Variants in SPON1 observed in about 807,000 individuals in gnomAD.
SPON1 encodes the protein spondin-1.
Under a neutral mutation model 111.7 loss-of-function variants are expected in SPON1, and 52 were observed. The observed-to-expected ratio is 0.47, with a 90% CI of 0.37 to 0.59. The LOEUF (loss-of-function observed/expected upper bound fraction) is 0.59, where lower values mean the gene tolerates loss of function less well. SPON1 is among the 20% of genes least tolerant of loss of function. The pLI is 0.00. For missense variants in SPON1, 957 were observed against 1,068.5 expected, an observed-to-expected ratio of 0.90 and a Z score of 1.46; for synonymous variants, 410 against 395.8, an observed-to-expected ratio of 1.04 and a Z score of -0.43.
chr11:14,125,777 G>A (rs540270124), intron 5 of SPON1, among the ~76,000 whole-genome samples: 2 of 152,326 alleles, frequency 1.3e-5, no homozygotes, highest in South Asian at 4.1e-4. Context: ...GGGCAGGGCG[G>A]TGGTGAAGAG....
At position 14,257,907 on chromosome 11, in the gene SPON1, A is replaced by G. The variant is rs1554941415; in HGVS notation, c.1492+9A>G. 2.0e-6 allele frequency: 3 copies of G among 1,532,268 alleles called. No homozygotes were observed. The South Asian group carries it at 3.6e-5, about 19-fold the overall frequency. The allele number at this position is 1,532,268 out of a possible 1,614,324, so 94.9% of individuals were successfully genotyped here. On this transcript the variant is annotated intron_variant, in intron 11 of 15. Coordinates refer to ENST00000576479, the MANE Select transcript of SPON1 (RefSeq NM_006108.4). ...TGGCTGCAGTGACGAAGGTGAGGAG[A>G]CAACCCAGACCAGCCAGGGGCTGGC... is the stretch of plus-strand genomic sequence containing the variant.
chr11:14,163,634 T>C (rs1554931611), intron 6 of SPON1, among the ~76,000 whole-genome samples: 4 of 152,308 alleles, frequency 2.6e-5, no homozygotes. Context: ...CCTTGTGATT[T>C]CAGAATTTTA....
intron 2 of SPON1, among the ~76,000 whole-genome samples, chr11:14,016,869 G>T (rs10832158): frequency 0.3 from 45,129 of 151,904 alleles, 7,869 homozygotes; most frequent in South Asian, 0.5. Flanking sequence ...TAAGTGCTGG[G>T]CACTGCATGT....
intron 2 of SPON1, among the ~76,000 whole-genome samples, chr11:14,030,740 C>A (rs1848553117): frequency 6.6e-6 from 1 of 152,202 alleles, no homozygotes; most frequent in African/African-American, 2.4e-5. Flanking sequence ...AAAGGGAACA[C>A]TTGTACACTG....
intron 2 of SPON1, among the ~76,000 whole-genome samples, chr11:14,035,441 GA>G (rs1349411486): frequency 6.6e-6 from 1 of 152,018 alleles, no homozygotes; most frequent in African/African-American, 2.4e-5. Flanking sequence ...AGAAAGTGCT[GA>G]AAAATGCTAT....
intron 2 of SPON1, among the ~76,000 whole-genome samples, chr11:14,007,568 C>G (rs1223592518): frequency 6.6e-6 from 1 of 152,192 alleles, no homozygotes; most frequent in Non-Finnish European, 1.5e-5. Flanking sequence ...TCTGCCTTCC[C>G]CAGTCCACTG....
chr11:14,235,416 C>T (rs776951528), intron 6 of SPON1, among the ~76,000 whole-genome samples: 5 of 152,104 alleles, frequency 3.3e-5, no homozygotes, highest in South Asian at 2.1e-4. Context: ...TGGTGGCTCA[C>T]GCCTGTAATC....
intron 6 of SPON1, among the ~76,000 whole-genome samples, chr11:14,196,702 T>C (rs1554935117): frequency 1.3e-5 from 2 of 152,212 alleles, no homozygotes; most frequent in East Asian, 3.9e-4. Flanking sequence ...AATGTGTTTT[T>C]TTAGTAAACA....
At chr11:14,127,855 G>A (rs1847478549) in intron 5 of SPON1, among the ~76,000 whole-genome samples, 1 of 152,202 alleles carries the variant, frequency 6.6e-6, no homozygotes. Flanking sequence ...AGTCATGGCA[G>A]AAGGTGAAAG....
chr11:14,245,821 C>T (rs782763865), intron 7 of SPON1, among the ~76,000 whole-genome samples: 1 of 152,206 alleles, frequency 6.6e-6, no homozygotes, highest in African/African-American at 2.4e-5. Flanking sequence ...AATGCCTTGC[C>T]CTCCAAGGAG....
chr11:14,020,307 G>A (rs1405886842), intron 2 of SPON1, among the ~76,000 whole-genome samples: 1 of 152,164 alleles, frequency 6.6e-6, no homozygotes, highest in Non-Finnish European at 1.5e-5. Flanking sequence ...CTGGGGGAGA[G>A]GCAAGTCTAC....
At chr11:14,225,486 A>G (rs1443066218) in intron 6 of SPON1, among the ~76,000 whole-genome samples, 1 of 152,210 alleles carries the variant, frequency 6.6e-6, no homozygotes, top group South Asian at 2.1e-4. Context: ...ATAGGATCCA[A>G]CTTCAAACTT....
At chr11:14,118,139 C>T (rs1441920716) in intron 5 of SPON1, among the ~76,000 whole-genome samples, 1 of 152,128 alleles carries the variant, frequency 6.6e-6, no homozygotes, top group Non-Finnish European at 1.5e-5. Flanking sequence ...AAAAACAAAG[C>T]GAAGTTGTTT....
chr11:14,002,867 ATTT>A (rs1159137157), intron 2 of SPON1, among the ~76,000 whole-genome samples: 1 of 151,978 alleles, frequency 6.6e-6, no homozygotes, highest in Non-Finnish European at 1.5e-5. Flanking sequence ...TCTACCTATA[ATTT>A]TTTTAAAAAA....
At chr11:14,237,539 C>T (rs1402967746) in intron 6 of SPON1, among the ~76,000 whole-genome samples, 3 of 152,218 alleles carry the variant, frequency 2.0e-5, no homozygotes, top group African/African-American at 7.2e-5. Context: ...GACCTGACTC[C>T]TCTGAGCCAC....
chr11:14,138,097 G>A (rs10766141), intron 6 of SPON1, among the ~76,000 whole-genome samples: 59,622 of 151,892 alleles, frequency 0.39, 11,913 homozygotes, highest in East Asian at 0.54. Context: ...CAGTGTTCTC[G>A]GGCTTTAATA....
intron 6 of SPON1, among the ~76,000 whole-genome samples, chr11:14,164,047 C>T (rs1847998958): frequency 6.6e-6 from 1 of 152,196 alleles, no homozygotes; most frequent in South Asian, 2.1e-4. Context: ...AGTATCATGA[C>T]TTCTGGAAAA....
chr11:14,047,681 A>G (rs946702901), intron 3 of SPON1, among the ~76,000 whole-genome samples: 2 of 152,204 alleles, frequency 1.3e-5, no homozygotes, highest in African/African-American at 4.8e-5. Flanking sequence ...GGGTTTGGAT[A>G]AAAGGACAGA....
intron 6 of SPON1, among the ~76,000 whole-genome samples, chr11:14,139,163 G>A (rs1220043952): frequency 6.6e-6 from 1 of 152,126 alleles, no homozygotes; most frequent in Non-Finnish European, 1.5e-5. Flanking sequence ...ATTTCTTGCT[G>A]CAAATCTAAG....
Sources: gnomAD v4.1 joint callset for allele counts (sites outside exome capture counted in the v4.1 genomes callset) on GRCh38, gnomAD v4.1.1 for gene constraint, MANE v1.5 for transcripts, NCBI Gene and HGNC (gene_info 2026-07-23, HGNC 2026-07-21) for gene names.